PAPPA2: variants seen among roughly 807,000 people sequenced by gnomAD.
PAPPA2 encodes pappalysin 2.
Under a neutral mutation model 176.4 loss-of-function variants are expected in PAPPA2, and 86 were observed. The observed-to-expected ratio is 0.49, with a 90% CI of 0.41 to 0.58. The LOEUF is 0.58. Ranked by LOEUF, PAPPA2 falls within the 20% of genes least tolerant of loss-of-function variation. The pLI is 0.00. For synonymous variants in PAPPA2, 809 were observed against 852.2 expected, an observed-to-expected ratio of 0.95 and a Z score of 0.88; for missense variants, 2,073 against 2,256.9, an observed-to-expected ratio of 0.92 and a Z score of 1.65.
chr1:176,564,981 C>T (rs966331875), intron 2 of PAPPA2, among the ~76,000 whole-genome samples: 1 of 152,138 alleles, frequency 6.6e-6, no homozygotes, highest in Non-Finnish European at 1.5e-5. Flanking sequence ...CAGCAACCTA[C>T]TCTCTATCTC....
chr1:176,601,553 C>A (rs1228712622), intron 3 of PAPPA2, among the ~76,000 whole-genome samples: 1 of 152,150 alleles, frequency 6.6e-6, no homozygotes, highest in Non-Finnish European at 1.5e-5. Flanking sequence ...AGATACATTA[C>A]CCAGCCAGTT....
intron 2 of PAPPA2, among the ~76,000 whole-genome samples, chr1:176,573,106 T>A (rs1239519669): frequency 6.6e-6 from 1 of 152,182 alleles, no homozygotes; most frequent in Non-Finnish European, 1.5e-5. Flanking sequence ...CCACCAGGTC[T>A]CTGTGTCTCT....
At chr1:176,502,186 C>G (rs1455607878) in intron 1 of PAPPA2, among the ~76,000 whole-genome samples, 1 of 152,128 alleles carries the variant, frequency 6.6e-6, no homozygotes, top group Non-Finnish European at 1.5e-5. Flanking sequence ...TCTGCACCAC[C>G]CTTTCAGAAT....
At chr1:176,797,496 T>A (rs559945117) in intron 20 of PAPPA2, among the ~76,000 whole-genome samples, 153 of 152,048 alleles carry the variant, frequency 1.0e-3, no homozygotes, top group African/African-American at 3.6e-3. Context: ...AAAAATTTTT[T>A]AAAATTAGCC....
At chr1:176,532,033 C>T (rs1238003931) in intron 1 of PAPPA2, among the ~76,000 whole-genome samples, 1 of 152,180 alleles carries the variant, frequency 6.6e-6, no homozygotes, top group Non-Finnish European at 1.5e-5. Context: ...CTGTCTCTCA[C>T]TCCGAGGTTT....
At chr1:176,797,972 T>G (rs1665519816) in intron 20 of PAPPA2, among the ~76,000 whole-genome samples, 1 of 152,220 alleles carries the variant, frequency 6.6e-6, no homozygotes, top group South Asian at 2.1e-4. Context: ...AATTTCGTCT[T>G]TCCATAAGTC....
In PAPPA2 at chr1:176,844,998, C is replaced by T. The variant is rs1394686429; in HGVS notation, c.*2544C>T. ...GAGCCTCTTAGGCTATAAGGCTTCC[C>T]AGCCATAGTCAGCTATAGCTATTCA... On this transcript the variant is annotated 3_prime_UTR_variant, in exon 23 of 23. Transcript: ENST00000367662. The T allele has an allele frequency of 6.6e-6, 1 of 152,178 alleles. No individual in the cohort carries two copies. The highest frequency in any genetic ancestry group is 2.4e-5 in the African/African-American group (1 of 41,452). 9.4% of individuals were successfully genotyped at this position (152,178 alleles called of 1,614,324 possible). A position where few individuals can be genotyped will look rare whatever the true frequency, so the allele number is the denominator to read the frequency against.
intron 4 of PAPPA2, among the ~76,000 whole-genome samples, chr1:176,672,941 A>G (rs1659093214): frequency 6.6e-6 from 1 of 152,168 alleles, no homozygotes; most frequent in Non-Finnish European, 1.5e-5. Context: ...TGTTGATAAC[A>G]TATTATCAGG....
chr1:176,767,420 A>G (rs945849264), intron 15 of PAPPA2, among the ~76,000 whole-genome samples: 2 of 151,982 alleles, frequency 1.3e-5, no homozygotes, highest in Middle Eastern at 3.4e-3. Context: ...GCTCACTGCA[A>G]CCTCCCAACC....
intron 4 of PAPPA2, among the ~76,000 whole-genome samples, chr1:176,676,253 T>C (rs1243326936): frequency 6.6e-6 from 1 of 152,102 alleles, no homozygotes; most frequent in Non-Finnish European, 1.5e-5. Context: ...AATTAAAATA[T>C]ATGTCCACTT....
At chr1:176,745,987 G>T (rs148284748) in intron 14 of PAPPA2, among the ~76,000 whole-genome samples, 4 of 152,310 alleles carry the variant, frequency 2.6e-5, no homozygotes, top group African/African-American at 7.2e-5. Flanking sequence ...ATCCACAGGG[G>T]TGCCACTGAG....
At chr1:176,631,069 A>G (rs1656311673) in intron 3 of PAPPA2, among the ~76,000 whole-genome samples, 1 of 152,228 alleles carries the variant, frequency 6.6e-6, no homozygotes, top group Non-Finnish European at 1.5e-5. Flanking sequence ...AAATGCTTCG[A>G]CGAAACTGGA....
chr1:176,519,195 T>G (rs1649081791), intron 1 of PAPPA2, among the ~76,000 whole-genome samples: 1 of 152,196 alleles, frequency 6.6e-6, no homozygotes, highest in South Asian at 2.1e-4. Context: ...GACATAATCC[T>G]GCTCTTTATC....
At chr1:176,785,397 T>C (rs1480153920) in intron 17 of PAPPA2, among the ~76,000 whole-genome samples, 2 of 151,998 alleles carry the variant, frequency 1.3e-5, no homozygotes, top group African/African-American at 2.4e-5. Flanking sequence ...ACGTTGGTTG[T>C]CTGATGTAGA....
intron 3 of PAPPA2, among the ~76,000 whole-genome samples, chr1:176,646,141 G>T (rs1278382320): frequency 6.6e-6 from 1 of 151,416 alleles, no homozygotes; most frequent in African/African-American, 2.4e-5. Flanking sequence ...TGATTTTGAG[G>T]TTTACAAAAT....
At chr1:176,767,634 C>CCA (rs1664040451) in intron 15 of PAPPA2, among the ~76,000 whole-genome samples, 4 of 152,216 alleles carry the variant, frequency 2.6e-5, no homozygotes, top group African/African-American at 2.4e-5. Flanking sequence ...GTGTGAGCCA[C>CCA]TGCCCCCAGC....
intron 2 of PAPPA2, among the ~76,000 whole-genome samples, chr1:176,567,523 A>G (rs1652058515): frequency 6.6e-6 from 1 of 152,208 alleles, no homozygotes; most frequent in African/African-American, 2.4e-5. Context: ...GGAAGGTTAT[A>G]AAAGTAGTTT....
At chr1:176,539,441 A>G (rs1260623702) in intron 1 of PAPPA2, among the ~76,000 whole-genome samples, 1 of 152,180 alleles carries the variant, frequency 6.6e-6, no homozygotes, top group Non-Finnish European at 1.5e-5. Flanking sequence ...TAGTTCTACA[A>G]ACATTTACTG....
intron 3 of PAPPA2, among the ~76,000 whole-genome samples, chr1:176,614,207 C>T (rs1655085670): frequency 6.6e-6 from 1 of 151,730 alleles, no homozygotes; most frequent in South Asian, 2.1e-4. Context: ...AAAGGAGGCA[C>T]TTTGTCTTTC....
Sources: allele counts gnomAD v4.1 joint callset (sites outside exome capture counted in the v4.1 genomes callset), GRCh38; gene constraint gnomAD v4.1.1; transcripts MANE v1.5; gene names NCBI Gene and HGNC (gene_info 2026-07-23, HGNC 2026-07-21).